Variants in SDCCAG8 observed in about 807,000 individuals in gnomAD.
SDCCAG8 encodes serologically defined colon cancer antigen 8.
Under a neutral mutation model 101.8 loss-of-function variants are expected in SDCCAG8, and 74 were observed. The ratio of observed to expected loss-of-function variants is 0.73; its 90% CI spans 0.60 to 0.88. SDCCAG8 has a LOEUF of 0.88. SDCCAG8 is among the 40% of genes least tolerant of loss of function. The probability of loss-of-function intolerance (pLI) is 0.00; values close to 1 mark genes in which losing one functional copy is unlikely to be tolerated. For missense variants in SDCCAG8, 787 were observed against 822.6 expected (o/e 0.96, Z 0.53); for synonymous variants, 281 against 292.9 (o/e 0.96, Z 0.41).
chr1:243,394,040 T>G (rs551724070), intron 13 of SDCCAG8, among the ~76,000 whole-genome samples: 1 of 152,324 alleles, frequency 6.6e-6, no homozygotes, highest in Non-Finnish European at 1.5e-5. Flanking sequence ...GATAACTTAT[T>G]AAGTAGTCGT....
chr1:243,405,947 T>C (rs2079751038), intron 13 of SDCCAG8, among the ~76,000 whole-genome samples: 1 of 152,038 alleles, frequency 6.6e-6, no homozygotes, highest in South Asian at 2.1e-4. Context: ...TAGAATAGAA[T>C]AGAATAGAAA....
chr1:243,471,769 CAT>C (rs1282664843), intron 16 of SDCCAG8, among the ~76,000 whole-genome samples: 1 of 152,138 alleles, frequency 6.6e-6, no homozygotes, highest in East Asian at 1.9e-4. Flanking sequence ...TTTTGGACCT[CAT>C]GTGTGGCATT....
At chr1:243,488,919 C>T in intron 16 of SDCCAG8, 95 bp from the exon 17 acceptor site, 1 of 1,582,934 alleles carries the variant, frequency 6.3e-7, no homozygotes, top group South Asian at 1.1e-5. Flanking sequence ...GCTCATGGTT[C>T]CCTATCAGGG....
At chr1:243,366,194 A>G (rs924028158) in intron 12 of SDCCAG8, among the ~76,000 whole-genome samples, 2 of 152,042 alleles carry the variant, frequency 1.3e-5, no homozygotes, top group Non-Finnish European at 2.9e-5. Flanking sequence ...TATGAATAGC[A>G]ATATTTTCAG....
At chr1:243,483,189 CTGCGGA>C (rs1018759111) in intron 16 of SDCCAG8, among the ~76,000 whole-genome samples, 2 of 152,062 alleles carry the variant, frequency 1.3e-5, no homozygotes, top group African/African-American at 4.8e-5. Context: ...GGGGCGGCGG[CTGCGGA>C]GCCCGGGGAG....
At chr1:243,450,349 G>C (rs971326897) in intron 16 of SDCCAG8, among the ~76,000 whole-genome samples, 5 of 152,162 alleles carry the variant, frequency 3.3e-5, no homozygotes, top group Non-Finnish European at 5.9e-5. Context: ...CACCATTAGG[G>C]TTTGAACTCC....
intron 15 of SDCCAG8, among the ~76,000 whole-genome samples, chr1:243,421,438 T>C (rs980428185): frequency 6.6e-6 from 1 of 152,174 alleles, no homozygotes; most frequent in African/African-American, 2.4e-5. Context: ...TTTGAAATGG[T>C]ACCTCCGTGT....
At chr1:243,337,172 G>T (rs1344536094) in intron 10 of SDCCAG8, among the ~76,000 whole-genome samples, 2 of 152,012 alleles carry the variant, frequency 1.3e-5, no homozygotes, top group Admixed American at 1.3e-4. Context: ...TTCATCTAGG[G>T]TCAATTTTTG....
At chr1:243,335,005 C>T (rs2074898509) in intron 10 of SDCCAG8, among the ~76,000 whole-genome samples, 2 of 152,312 alleles carry the variant, frequency 1.3e-5, no homozygotes, top group South Asian at 4.1e-4. Flanking sequence ...CTTGCCTCCC[C>T]TAGTTCAGTG....
chr1:243,415,146 G>A (rs547367257), intron 13 of SDCCAG8, among the ~76,000 whole-genome samples: 24 of 152,050 alleles, frequency 1.6e-4, no homozygotes, highest in Non-Finnish European at 3.1e-4. Flanking sequence ...ATTCATATTT[G>A]TATTCATATT....
intron 6 of SDCCAG8, among the ~76,000 whole-genome samples, chr1:243,296,535 C>CTTTTTTTTTTTTTT (rs756242066): frequency 8.6e-5 from 5 of 57,948 alleles, no homozygotes; most frequent in African/African-American, 2.2e-4. Flanking sequence ...CCCAACTGCT[C>CTTTTTTTTTTTTTT]TTTTTTTTTT....
At chr1:243,286,204 C>G (rs1572973621) in intron 4 of SDCCAG8, 68 bp from the exon 5 acceptor site, 1 of 1,447,054 alleles carries the variant, frequency 6.9e-7, no homozygotes, top group African/African-American at 1.4e-5. Flanking sequence ...CATGCTGTGC[C>G]CTCTAATAAT....
chr1:243,478,697 G>A (rs151013117), intron 16 of SDCCAG8, among the ~76,000 whole-genome samples: 241 of 152,218 alleles, frequency 1.6e-3, no homozygotes, highest in African/African-American at 5.4e-3. Context: ...TTAATGTCAC[G>A]CCTGTAATCC....
intron 4 of SDCCAG8, among the ~76,000 whole-genome samples, chr1:243,275,670 G>C (rs953862321): frequency 6.6e-6 from 1 of 151,924 alleles, no homozygotes; most frequent in African/African-American, 2.4e-5. Flanking sequence ...ATATAAAGCA[G>C]AATAAATTTA....
rs114871739 is a variant in SDCCAG8, at chr1:243,277,944, A to G, written c.420+3288A>G. On this transcript the variant is annotated intron_variant, in intron 4 of 17. Transcript: ENST00000366541. ...GAAGTTGGGTAATATCAGTACTCTAATTTTGTTCTTTTTCAATATTGTGAT... is the reference window on the plus strand; with the variant it reads ...GAAGTTGGGTAATATCAGTACTCTAGTTTTGTTCTTTTTCAATATTGTGAT... Among the ~76,000 whole-genome samples, 746 of 152,170 alleles carry G rather than the reference A, an allele frequency of 4.9e-3. 3 individuals carry two copies. Among genetic ancestry groups the G allele is most frequent in the Non-Finnish European group, 7.1e-3 (486 of 67,996 alleles).
chr1:243,479,720 G>A (rs1053590871), intron 16 of SDCCAG8, among the ~76,000 whole-genome samples: 4 of 152,104 alleles, frequency 2.6e-5, no homozygotes, highest in Admixed American at 6.5e-5. Flanking sequence ...CATGACTGAC[G>A]CCAGAGTATT....
At chr1:243,431,408 G>A (rs1418213673) in intron 16 of SDCCAG8, among the ~76,000 whole-genome samples, 1 of 152,112 alleles carries the variant, frequency 6.6e-6, no homozygotes, top group Non-Finnish European at 1.5e-5. Flanking sequence ...CTGAGCAATG[G>A]GTGCCTAGTG....
intron 16 of SDCCAG8, among the ~76,000 whole-genome samples, chr1:243,444,460 C>G (rs2082764354): frequency 6.6e-6 from 1 of 151,894 alleles, no homozygotes; most frequent in African/African-American, 2.4e-5. Context: ...CAACCTTCAC[C>G]TCCCGGGTTC....
At chr1:243,286,982 C>A (rs1268206898) in intron 5 of SDCCAG8, among the ~76,000 whole-genome samples, 1 of 152,202 alleles carries the variant, frequency 6.6e-6, no homozygotes, top group South Asian at 2.1e-4. Flanking sequence ...AATTCCTGGA[C>A]TCCATCCCCT....
Sources: allele counts gnomAD v4.1 joint callset (sites outside exome capture counted in the v4.1 genomes callset), GRCh38; gene constraint gnomAD v4.1.1; transcripts MANE v1.5; gene names NCBI Gene and HGNC (gene_info 2026-07-23, HGNC 2026-07-21).